Variants in PTPRF observed in about 807,000 individuals in gnomAD.
The protein encoded by PTPRF is protein tyrosine phosphatase receptor type F.
PTPRF carries 59 observed loss-of-function variants against 201.8 expected under a neutral mutation model. The observed-to-expected ratio is 0.29, with a 90% CI of 0.24 to 0.36. PTPRF has a LOEUF of 0.36. PTPRF is among the 10% of genes least tolerant of loss of function. PTPRF has a pLI of 1.00. For synonymous variants in PTPRF, 1,088 were observed against 1,089.7 expected, an observed-to-expected ratio of 1.00 and a Z score of 0.03; for missense variants, 2,132 against 2,690.5, an observed-to-expected ratio of 0.79 and a Z score of 4.59.
At chr1:43,601,162 G>A (rs1389220141) in intron 13 of PTPRF, among the ~76,000 whole-genome samples, 3 of 152,208 alleles carry the variant, frequency 2.0e-5, no homozygotes, top group Admixed American at 1.3e-4. Flanking sequence ...AGGCCAGACC[G>A]GCACTGTGGG....
At chr1:43,611,566 C>T (rs1656456360) in intron 22 of PTPRF, among the ~76,000 whole-genome samples, 2 of 152,082 alleles carry the variant, frequency 1.3e-5, no homozygotes, top group Admixed American at 1.3e-4. Flanking sequence ...TTCAGGATGC[C>T]AGGGAGGTAG....
At chr1:43,557,427 A>G (rs1645453908) in intron 5 of PTPRF, among the ~76,000 whole-genome samples, 1 of 152,208 alleles carries the variant, frequency 6.6e-6, no homozygotes, top group African/African-American at 2.4e-5. Flanking sequence ...TGAGGTCAGG[A>G]GTTCGAGACC....
At chr1:43,608,426 C>T (rs1440576178) in intron 21 of PTPRF, among the ~76,000 whole-genome samples, 2 of 152,190 alleles carry the variant, frequency 1.3e-5, no homozygotes, top group Non-Finnish European at 2.9e-5. Flanking sequence ...ACCAGAAGTC[C>T]CCTGGCCTAT....
At chr1:43,589,699 A>G (rs1397105060) in intron 8 of PTPRF, among the ~76,000 whole-genome samples, 53 of 148,630 alleles carry the variant, frequency 3.6e-4, no homozygotes, top group South Asian at 2.2e-3. Context: ...CTCTACGAAA[A>G]AAAAAAAAAA....
chr1:43,610,665 A>T (rs1239410620), intron 22 of PTPRF, among the ~76,000 whole-genome samples: 1 of 152,208 alleles, frequency 6.6e-6, no homozygotes, highest in East Asian at 1.9e-4. Flanking sequence ...GGATCACCTG[A>T]GGTCAGGAGT....
chr1:43,601,592 G>A (rs1653753934), intron 13 of PTPRF, among the ~76,000 whole-genome samples: 1 of 152,234 alleles, frequency 6.6e-6, no homozygotes. Flanking sequence ...GCGGGTGGAA[G>A]GAGACACTGA....
At chr1:43,602,118 C>T (rs375443386) in intron 14 of PTPRF, 21 bp downstream of exon 14, 18 of 1,610,374 alleles carry the variant, frequency 1.1e-5, no homozygotes, top group African/African-American at 8.0e-5. Context: ...GGTGTGCGAA[C>T]GCGGACAAGA....
chr1:43,617,967 A>G (rs1658277390), intron 25 of PTPRF, 56 bp downstream of exon 25: 1 of 1,530,610 alleles, frequency 6.5e-7, no homozygotes, highest in Non-Finnish European at 8.9e-7. Flanking sequence ...CCACAAGGTG[A>G]TACAGGGCAC....
At chr1:43,545,478 GTT>G (rs1374921269) in intron 3 of PTPRF, among the ~76,000 whole-genome samples, 2 of 152,146 alleles carry the variant, frequency 1.3e-5, no homozygotes, top group African/African-American at 4.8e-5. Flanking sequence ...TGTGTGCACT[GTT>G]GCAGATCTGT....
chr1:43,605,647 C>T, intron 19 of PTPRF, 25 bp downstream of exon 19: 2 of 1,600,306 alleles, frequency 1.2e-6, no homozygotes, highest in African/African-American at 1.3e-5. Flanking sequence ...GATGGGGACA[C>T]TGACAGCCCC....
Position 43,590,969 on chromosome 1 carries a change from C to T in PTPRF, c.950-3C>T. 1 of 1,601,062 alleles carries T rather than the reference C, an allele frequency of 6.2e-7. No individual in the cohort carries two copies. The highest frequency in any genetic ancestry group is 8.5e-7 in the Non-Finnish European group (1 of 1,170,000). Reference sequence around the variant, plus strand: ...AGCTTTGAGCCTTCCACTTTGTCTCCAGCTCTTCCAAAGCCTCCGATTGAT... The same window carrying T: ...AGCTTTGAGCCTTCCACTTTGTCTCTAGCTCTTCCAAAGCCTCCGATTGAT... On this transcript the variant is annotated splice_polypyrimidine_tract_variant and splice_region_variant and intron_variant, in intron 8 of 33. Transcript: ENST00000359947.
chr1:43,560,419 ACAG>A lies in PTPRF; in HGVS notation c.379+6482_379+6484del, dbSNP rs371806898. Among the ~76,000 whole-genome samples the A allele has an allele frequency of 6.5e-4, 99 of 151,510 alleles. No individual in the cohort carries two copies. The East Asian group carries it at 0.011, about 16-fold the overall frequency. ...ATGCATGTGCATGTGTGTGGAGTGC[ACAG>A]CAGGTGATGTGCAGCAGGCTGTGTG... is the stretch of plus-strand genomic sequence containing the variant. On this transcript the variant is annotated intron_variant, in intron 5 of 33. Transcript: ENST00000359947.
rs758958686 is a variant in PTPRF at position 43,619,546 on chromosome 1, T to A, written c.4905T>A (p.Ser1635Arg). The change falls in exon 28 of 34, where the codon AGT becomes AGA. Residue 1635 changes from serine (S) to arginine (R), a missense_variant. Coordinates refer to ENST00000359947, the MANE Select transcript of PTPRF (RefSeq NM_002840.5). ...TGGGCCAAGTGCCTCCAGGGGAGAG[T>A]GTGACCGCCATGGAGCTCGAGTTCA... is the stretch of plus-strand genomic sequence containing the variant. ...QKLGQVPPGE[S>R]VTAMELEFKL... 1.4e-5 allele frequency: 23 copies of A among 1,612,640 alleles called. No homozygotes were observed. The highest frequency in any genetic ancestry group is 1.8e-5 in the Non-Finnish European group (21 of 1,179,306).
In PTPRF at chr1:43,538,263, A is replaced by G. The variant is rs1644148170; in HGVS notation, c.-60A>G. 2.5e-6 allele frequency: 1 copy of G among 398,652 alleles called. No individual in the cohort carries two copies. The allele number at this position is 398,652 out of a possible 1,614,324, so 24.7% of individuals were successfully genotyped here. A position where few individuals can be genotyped will look rare whatever the true frequency, so the allele number is the denominator to read the frequency against. The stretch of plus-strand genomic sequence containing the variant: ...TATCCAGCAAGAGTGACCGGGGTGA[A>G]GAAGCAAAGACTCGGTGAGTGTGCC... On this transcript the variant is annotated 5_prime_UTR_variant, in exon 2 of 34. Coordinates refer to ENST00000359947, the MANE Select transcript of PTPRF (RefSeq NM_002840.5).
chr1:43,588,606 C>T lies in PTPRF; in HGVS notation c.680-125C>T. 7.8e-7 allele frequency: 1 copy of T among 1,287,848 alleles called. No homozygotes were observed. The highest frequency in any genetic ancestry group is 1.1e-6 in the Non-Finnish European group (1 of 951,538). 79.8% of individuals were successfully genotyped at this position (1,287,848 alleles called of 1,614,324 possible). On this transcript the variant is annotated intron_variant, in intron 7 of 33. Transcript: ENST00000359947. The surrounding 1 kb of genome is among the most constrained non-coding windows in gnomAD (Gnocchi z 5.3). ...ATGAGCTGGGGTCTGGCGGTGCCAC[C>T]CCTCCTGTCTCTGAGCATGGGTTTG...
intron 12 of PTPRF, 115 bp from the exon 13 acceptor site, chr1:43,598,605 C>A: frequency 1.0e-6 from 1 of 977,044 alleles, no homozygotes; most frequent in Non-Finnish European, 1.6e-6. Flanking sequence ...GAAACTGTAT[C>A]AGGGCCTTTC....
chr1:43,620,437 C>G lies in PTPRF; in HGVS notation c.5239-17C>G, dbSNP rs200606952. The G allele has an allele frequency of 2.5e-6, 4 of 1,604,060 alleles. No homozygotes were observed. The highest frequency in any genetic ancestry group is 4.5e-5 in the East Asian group (2 of 44,786). ...TCCTTCTCACCTGATTATGGGGGCC[C>G]GACCCTCTGTCCACAGGAGAAATGC... On this transcript the variant is annotated splice_polypyrimidine_tract_variant and intron_variant, in intron 30 of 33. Transcript: ENST00000359947.
intron 6 of PTPRF, among the ~76,000 whole-genome samples, chr1:43,570,553 A>G (rs886548933): frequency 2.0e-5 from 3 of 152,262 alleles, no homozygotes; most frequent in African/African-American, 7.2e-5. Context: ...TGCCGGCCAG[A>G]GCCCCTTCTG....
chr1:43,613,770 T>C (rs1657065348), intron 23 of PTPRF, 55 bp downstream of exon 23: 2 of 1,444,378 alleles, frequency 1.4e-6, no homozygotes, highest in Admixed American at 1.7e-5. Context: ...CCAAACCAGC[T>C]CCTGTCCTGT....
Sources: gnomAD v4.1 joint callset for allele counts (sites outside exome capture counted in the v4.1 genomes callset) on GRCh38, gnomAD v4.1.1 for gene constraint, Gnocchi (gnomAD v3.1) non-coding constraint, MANE v1.5 for transcripts, NCBI Gene and HGNC (gene_info 2026-07-23, HGNC 2026-07-21) for gene names.